Variants in MAN1B1 observed in about 807,000 individuals in gnomAD.
MAN1B1 encodes mannosidase alpha class 1B member 1.
In MAN1B1, 66 loss-of-function variants were observed where a neutral mutation model predicts 75.5. That is an observed-to-expected ratio of 0.87 (90% CI 0.72 to 1.07). The LOEUF (loss-of-function observed/expected upper bound fraction) is 1.07. MAN1B1 is among the 50% of genes least tolerant of loss of function. The pLI, the probability that MAN1B1 is intolerant of heterozygous loss-of-function variation, is 0.00. For missense variants in MAN1B1, 973 were observed against 912.5 expected (o/e 1.07, Z -0.85); for synonymous variants, 453 against 382.8 (o/e 1.18, Z -2.14).
intron 1 of MAN1B1, 33 bp from the exon 2 acceptor site, chr9:137,088,042 A>C (rs371241805): frequency 1.4e-4 from 207 of 1,499,070 alleles, no homozygotes; most frequent in Non-Finnish European, 1.9e-4. Context: ...TGATATATTC[A>C]GTAAGAAATG....
intron 7 of MAN1B1, 41 bp downstream of exon 7, chr9:137,101,194 G>C: frequency 6.2e-7 from 1 of 1,610,824 alleles, no homozygotes; most frequent in Non-Finnish European, 8.5e-7. Flanking sequence ...TGGTGGACTC[G>C]CATTCAAGCA....
intron 2 of MAN1B1, chr9:137,088,659 G>C: frequency 1.4e-6 from 1 of 705,472 alleles, no homozygotes. Flanking sequence ...AAAGATGTGG[G>C]GTTCTGTGTT....
Position 137,107,319 on chromosome 9 carries a change from A to G in MAN1B1, c.1636A>G (p.Met546Val), listed in dbSNP as rs144672735. ...CTACCACGGCCTGCCCGCCAGCCAC[A>G]TGGAGCTGGCCCAGGAGCTCATGGA... is the stretch of plus-strand genomic sequence containing the variant. ...GVYHGLPASHMELAQELMETC... is the reference protein window; with the variant it reads ...GVYHGLPASHVELAQELMETC... The change falls in exon 11 of 13, where the codon ATG becomes GTG. Residue 546 changes from methionine to valine, a missense_variant. By Grantham distance (21) the Met-to-Val change is conservative (BLOSUM62 1). Coordinates refer to ENST00000371589, the MANE Select transcript of MAN1B1 (RefSeq NM_016219.5). 5.5e-5 allele frequency: 88 copies of G among 1,613,214 alleles called. No individual in the cohort carries two copies. In the Middle Eastern group the frequency reaches 6.6e-4, roughly 12 times the overall value.
chr9:137,099,719 G>A lies in MAN1B1; in HGVS notation c.754G>A (p.Gly252Ser), dbSNP rs764806103. ...TPVHLNYRQK[G>S]VIDVFLHAWK... ...AGTGCATCTGAACTATCGCCAGAAG[G>A]GCGTGATTGACGTCTTCCTGCATGC... is the stretch of plus-strand genomic sequence containing the variant. The change falls in exon 6 of 13, where the codon GGC (glycine) becomes AGC (serine). Residue 252 changes from glycine to serine, a missense_variant. By Grantham distance (56) the Gly-to-Ser change is moderately conservative (BLOSUM62 0). Coordinates refer to ENST00000371589, the MANE Select transcript of MAN1B1 (RefSeq NM_016219.5). 1 of 1,614,224 alleles carries A rather than the reference G, an allele frequency of 6.2e-7. No individual in the cohort carries two copies. The highest frequency in any genetic ancestry group is 8.5e-7 in the Non-Finnish European group (1 of 1,180,052).
Position 137,088,003 on chromosome 9 carries a change from A to G in MAN1B1, c.220-72A>G. 3.5e-6 allele frequency: 4 copies of G among 1,147,746 alleles called. No individual in the cohort carries two copies. The South Asian group carries it at 4.9e-5, about 14-fold the overall frequency. The allele number at this position is 1,147,746 out of a possible 1,614,324, so 71.1% of individuals were successfully genotyped here. ...TCCAGAAGAATTCCTTATTGTCCTC[A>G]CAGTTTGTGACAGTTGAGACGTTCC... On this transcript the variant is annotated intron_variant, in intron 1 of 12. Transcript: ENST00000371589.
intron 3 of MAN1B1, among the ~76,000 whole-genome samples, chr9:137,095,535 A>G (rs943040878): frequency 2.6e-5 from 4 of 152,184 alleles, no homozygotes; most frequent in African/African-American, 9.6e-5. Context: ...CCTGGGCAAC[A>G]TAAGGAGACC....
chr9:137,108,468 C>T lies in MAN1B1; in HGVS notation c.1977C>T (p.Phe659=). ...AGCCTAGGGACAAGATGGAGAGCTT[C>T]TTCCTGGGGGAGACGCTCAAGTATC... ...KPEPRDKMES[F]FLGETLKYLF... is the part of the protein sequence containing the mutation. The change falls in exon 13 of 13, where the codon TTC becomes TTT. Residue 659 remains phenylalanine, a synonymous_variant. Coordinates refer to ENST00000371589, the MANE Select transcript of MAN1B1 (RefSeq NM_016219.5). 1.2e-6 allele frequency: 2 copies of T among 1,613,998 alleles called. No individual in the cohort carries two copies. The highest frequency in any genetic ancestry group is 1.7e-6 in the Non-Finnish European group (2 of 1,180,026).
rs747463530 is a variant in MAN1B1, at chr9:137,096,404, G to T, written c.620+13G>T. Reference sequence around the variant, plus strand: ...GGACAGTCATCAGGTACAGAGCGCAGGGCAGGCTGCACGCCGCCGCTCAGG... The same window carrying T: ...GGACAGTCATCAGGTACAGAGCGCATGGCAGGCTGCACGCCGCCGCTCAGG... On this transcript the variant is annotated intron_variant, in intron 4 of 12. Transcript: ENST00000371589. The T allele has an allele frequency of 1.2e-6, 2 of 1,612,794 alleles. No individual in the cohort carries two copies. The highest frequency in any genetic ancestry group is 3.3e-5 in the Admixed American group (2 of 59,908).
Position 137,109,110 on chromosome 9 carries a change from C to T in MAN1B1, c.*519C>T, listed in dbSNP as rs1161938692. The T allele has an allele frequency of 6.6e-6, 3 of 455,148 alleles. No individual in the cohort carries two copies. The highest frequency in any genetic ancestry group is 8.8e-6 in the Non-Finnish European group (2 of 227,200). 28.2% of individuals were successfully genotyped at this position (455,148 alleles called of 1,614,324 possible). On this transcript the variant is annotated 3_prime_UTR_variant, in exon 13 of 13. Coordinates refer to ENST00000371589, the MANE Select transcript of MAN1B1 (RefSeq NM_016219.5). The stretch of plus-strand genomic sequence containing the variant: ...GCAGGGGGCTTGGAGGGCTGGACGG[C>T]AAGTCCGTCTAGCTCACGGGCCCCT...
intron 8 of MAN1B1, chr9:137,104,217 TCA>T: frequency 2.7e-6 from 1 of 373,742 alleles, no homozygotes; most frequent in South Asian, 2.0e-5. Context: ...GTGAGTGCAG[TCA>T]CACACGATTT....
At position 137,107,286 on chromosome 9, in the gene MAN1B1, C is replaced by G; in HGVS notation, c.1603C>G (p.Leu535Val). Reference protein sequence around the residue: ...LVCFLPGTLALGVYHGLPASH... With the variant: ...LVCFLPGTLAVGVYHGLPASH... The stretch of plus-strand genomic sequence containing the variant: ...GTGCTTCCTGCCAGGGACGCTGGCT[C>G]TGGGCGTCTACCACGGCCTGCCCGC... Residue 535 changes from leucine (L) to valine (V), a missense_variant, in exon 11 of 13, where the codon CTG becomes GTG. By Grantham distance (32) the Leu-to-Val change is conservative (BLOSUM62 1). Coordinates refer to ENST00000371589, the MANE Select transcript of MAN1B1 (RefSeq NM_016219.5). 6.2e-7 allele frequency: 1 copy of G among 1,613,078 alleles called. No individual in the cohort carries two copies.
chr9:137,106,352 C>A, intron 9 of MAN1B1, 37 bp downstream of exon 9: 1 of 1,526,658 alleles, frequency 6.6e-7, no homozygotes, highest in Non-Finnish European at 8.8e-7. Flanking sequence ...TCCCGCGGCT[C>A]CCCCGTTCCC....
rs1831161622 is a variant in MAN1B1, at chr9:137,107,605, C to T, written c.1839C>T (p.Asp613=). 1 of 1,611,706 alleles carries T rather than the reference C, an allele frequency of 6.2e-7. No homozygotes were observed. Among genetic ancestry groups the T allele is most frequent in the East Asian group, 2.2e-5 (1 of 44,882 alleles). The change falls in exon 12 of 13, where the codon GAC becomes GAT. Residue 613 remains aspartate (D), a synonymous_variant. Coordinates refer to ENST00000371589, the MANE Select transcript of MAN1B1 (RefSeq NM_016219.5). ...SLFYLYRVTG[D]RKYQDWGWEI... is the part of the protein sequence containing the mutation. Reference sequence around the variant, plus strand: ...TCTACCTGTACCGCGTCACAGGGGACCGCAAATACCAGGACTGGGGCTGGG... The same window carrying T: ...TCTACCTGTACCGCGTCACAGGGGATCGCAAATACCAGGACTGGGGCTGGG...
rs574865834 is a variant in MAN1B1 at position 137,088,371 on chromosome 9, C to T, written c.328+188C>T. 10 of 1,588,368 alleles carry T rather than the reference C, an allele frequency of 6.3e-6. No homozygotes were observed. The East Asian group carries it at 1.4e-4, about 22-fold the overall frequency. On this transcript the variant is annotated intron_variant, in intron 2 of 12. Coordinates refer to ENST00000371589, the MANE Select transcript of MAN1B1 (RefSeq NM_016219.5). The stretch of plus-strand genomic sequence containing the variant: ...CTAGAACACAGATGTTAATTTGATG[C>T]TGTCTGACTACTTTCTAGGTCTCTG...
In MAN1B1 at chr9:137,108,813, C is replaced by T. The variant is rs760775767; in HGVS notation, c.*222C>T. 18 of 684,992 alleles carry T rather than the reference C, an allele frequency of 2.6e-5. No individual in the cohort carries two copies. Among genetic ancestry groups the T allele is most frequent in the African/African-American group, 7.0e-5 (4 of 56,816 alleles). 42.4% of individuals were successfully genotyped at this position (684,992 alleles called of 1,614,324 possible). ...GGGTGGGCTGGGCCGCTGGAGCCTC[C>T]GCCTGCTTCCTCCAGAAGACACGAA... On this transcript the variant is annotated 3_prime_UTR_variant, in exon 13 of 13. Coordinates refer to ENST00000371589, the MANE Select transcript of MAN1B1 (RefSeq NM_016219.5).
At position 137,088,918 on chromosome 9, in the gene MAN1B1, T is replaced by C; in HGVS notation, c.378T>C (p.Ala126=). ...EEEQKMRPEI[A]GLKPANPPVL... is the part of the protein sequence containing the mutation. ...AGCAGAAGATGAGGCCAGAAATTGC[T>C]GGGTTAAAACCAGCAAATCCACCCG... The change falls in exon 3 of 13, where the codon GCT becomes GCC. Residue 126 remains alanine, a synonymous_variant. Coordinates refer to ENST00000371589, the MANE Select transcript of MAN1B1 (RefSeq NM_016219.5). The C allele has an allele frequency of 6.2e-7, 1 of 1,614,014 alleles. No homozygotes were observed. Among genetic ancestry groups the C allele is most frequent in the Non-Finnish European group, 8.5e-7 (1 of 1,180,034 alleles).
At chr9:137,102,562 G>T in intron 8 of MAN1B1, 1 of 402,532 alleles carries the variant, frequency 2.5e-6, no homozygotes, top group South Asian at 1.7e-5. Context: ...ACACATTCAC[G>T]CTGTTGCAGA....
At chr9:137,097,761 G>A (rs1830692328) in intron 4 of MAN1B1, 67 bp from the exon 5 acceptor site, 9 of 1,241,612 alleles carry the variant, frequency 7.2e-6, no homozygotes, top group East Asian at 2.5e-5. Context: ...GGTATGGAGC[G>A]TGGGGGTGGG....
chr9:137,108,503 T>C lies in MAN1B1; in HGVS notation c.2012T>C (p.Leu671Pro). The C allele has an allele frequency of 1.2e-6, 2 of 1,614,016 alleles. No homozygotes were observed. The highest frequency in any genetic ancestry group is 2.2e-5 in the South Asian group (2 of 91,088). ...LGETLKYLFL[L>P]FSDDPNLLSL... ...GAGACGCTCAAGTATCTGTTCTTGCTCTTCTCCGATGACCCAAACCTGCTC... is the reference window on the plus strand; with the variant it reads ...GAGACGCTCAAGTATCTGTTCTTGCCCTTCTCCGATGACCCAAACCTGCTC... The change falls in exon 13 of 13, where the codon CTC becomes CCC. Residue 671 changes from leucine to proline, a missense_variant. By Grantham distance (98) the Leu-to-Pro change is moderately conservative. Coordinates refer to ENST00000371589, the MANE Select transcript of MAN1B1 (RefSeq NM_016219.5).
Sources: gnomAD v4.1 joint callset for allele counts (sites outside exome capture counted in the v4.1 genomes callset) on GRCh38, gnomAD v4.1.1 for gene constraint, MANE v1.5 for transcripts, NCBI Gene and HGNC (gene_info 2026-07-23, HGNC 2026-07-21) for gene names.